Variants in BAAT observed in about 807,000 individuals in gnomAD.
BAAT encodes the protein bile acid CoA: amino acid N-acyltransferase (glycine N-choloyltransferase).
A neutral mutation model predicts 18.9 loss-of-function variants in BAAT; 13 were observed. The observed-to-expected ratio is 0.69, with a 90% CI of 0.45 to 1.10. The LOEUF is 1.10. Ranked by LOEUF, BAAT falls within the 50% of genes least tolerant of loss-of-function variation. The pLI is 0.00. For missense variants in BAAT, 489 were observed against 504.0 expected (o/e 0.97, Z 0.28); for synonymous variants, 170 against 190.7 (o/e 0.89, Z 0.89).
At position 101,371,252 on chromosome 9, in the gene BAAT, C is replaced by G. The variant is rs756596370; in HGVS notation, c.153G>C (p.Arg51Ser). 1 of 1,613,236 alleles carries G rather than the reference C, an allele frequency of 6.2e-7. No individual in the cohort carries two copies. Among genetic ancestry groups the G allele is most frequent in the East Asian group, 2.2e-5 (1 of 44,864 alleles). The change falls in exon 2 of 4, where the codon AGG (arginine) becomes AGC (serine). Residue 51 changes from arginine to serine, a missense_variant. Transcript: ENST00000259407. ...GGTCCACCTCACCGAATTCATTGGC[C>G]CTATAGTGGGCTTGAGAATAAAACA... ...GDMFYSQAHY[R>S]ANEFGEVDLN...
rs921446266 is a variant in BAAT, at chr9:101,361,632, A to G, written c.*796T>C. 1 of 152,654 alleles carries G rather than the reference A, an allele frequency of 6.6e-6. No homozygotes were observed. Among genetic ancestry groups the G allele is most frequent in the African/African-American group, 2.4e-5 (1 of 41,446 alleles). The allele number at this position is 152,654 out of a possible 1,614,324, so 9.5% of individuals were successfully genotyped here. On this transcript the variant is annotated 3_prime_UTR_variant, in exon 4 of 4. Transcript: ENST00000259407. Reference sequence around the variant, plus strand: ...AAGTACAGTGATAGTTGACCCAATCACTCAGTTTATCAAACTCCCCAGGCT... The same window carrying G: ...AAGTACAGTGATAGTTGACCCAATCGCTCAGTTTATCAAACTCCCCAGGCT...
intron 3 of BAAT, among the ~76,000 whole-genome samples, chr9:101,366,054 T>TG (rs1564054547): frequency 6.6e-6 from 1 of 152,154 alleles, no homozygotes; most frequent in Non-Finnish European, 1.5e-5. Context: ...GTCACCATGC[T>TG]GTGCAACAGA....
chr9:101,380,784 T>A (rs1239770434), intron 1 of BAAT, among the ~76,000 whole-genome samples: 2 of 152,102 alleles, frequency 1.3e-5, no homozygotes, highest in Admixed American at 1.3e-4. Flanking sequence ...GATGGAGTCT[T>A]GCTCTGTCGC....
chr9:101,368,823 G>A (rs529633874), intron 2 of BAAT, among the ~76,000 whole-genome samples: 1 of 152,240 alleles, frequency 6.6e-6, no homozygotes, highest in South Asian at 2.1e-4. Context: ...ATTTGTAGGT[G>A]AATTTTACTT....
intron 2 of BAAT, among the ~76,000 whole-genome samples, chr9:101,368,688 T>C (rs1473016320): frequency 1.3e-5 from 2 of 152,160 alleles, no homozygotes; most frequent in African/African-American, 4.8e-5. Context: ...TCTATACTCT[T>C]GTTGTAAAGA....
chr9:101,371,866 C>T (rs28447257), intron 1 of BAAT, among the ~76,000 whole-genome samples: 13,104 of 152,108 alleles, frequency 0.086, 619 homozygotes, highest in South Asian at 0.14. Context: ...TTTGACTTCA[C>T]GCTAATCCCT....
At position 101,372,900 on chromosome 9, in the gene BAAT, G is replaced by A. The variant is rs954822654; in HGVS notation, c.-59-1437C>T. Among the ~76,000 whole-genome samples, 16 of 152,302 alleles carry A rather than the reference G, an allele frequency of 1.1e-4. No individual in the cohort carries two copies. In the East Asian group the frequency reaches 2.9e-3, roughly 28 times the overall value. On this transcript the variant is annotated intron_variant, in intron 1 of 3. Transcript: ENST00000259407. ...TAAACTAGAATTCCAAGAAACTGTA[G>A]CCACAGAGTAAGTCTTTCTCTATCT...
chr9:101,377,035 CTGAG>C (rs1276787970), intron 1 of BAAT, among the ~76,000 whole-genome samples: 1 of 152,072 alleles, frequency 6.6e-6, no homozygotes, highest in Non-Finnish European at 1.5e-5. Context: ...TGGTCAAAAG[CTGAG>C]TGAGAGTCAA....
At chr9:101,369,620 AT>A (rs1829893740) in intron 2 of BAAT, among the ~76,000 whole-genome samples, 1 of 152,166 alleles carries the variant, frequency 6.6e-6, no homozygotes, top group Non-Finnish European at 1.5e-5. Flanking sequence ...CAATAAGCAG[AT>A]TTTTAACTGG....
intron 1 of BAAT, chr9:101,375,383 T>C: frequency 4.9e-6 from 1 of 203,848 alleles, no homozygotes; most frequent in Non-Finnish European, 1.1e-5. Flanking sequence ...TTGTTGTTTG[T>C]CAGAGTGGCT....
At position 101,370,873 on chromosome 9, in the gene BAAT, T is replaced by G. The variant is rs865961812; in HGVS notation, c.466+66A>C. On this transcript the variant is annotated intron_variant, in intron 2 of 3. Transcript: ENST00000259407. ...TTCTACAAGCTATTCAAGCTAAATT[T>G]CTAGACGGATAATGTATTTAAAGTG... 16 of 1,536,640 alleles carry G rather than the reference T, an allele frequency of 1.0e-5. No homozygotes were observed. In the Middle Eastern group the frequency reaches 1.0e-3, roughly 98 times the overall value.
At chr9:101,379,621 GT>G (rs1214689496) in intron 1 of BAAT, among the ~76,000 whole-genome samples, 1 of 152,162 alleles carries the variant, frequency 6.6e-6, no homozygotes, top group African/African-American at 2.4e-5. Flanking sequence ...GAAAAAAATT[GT>G]TTCAGAAGAA....
Position 101,371,044 on chromosome 9 carries a change from C to T in BAAT, c.361G>A (p.Ala121Thr), listed in dbSNP as rs1829930568. ...TCCAAAGTCAGGCTGGCCTTTGGAG[C>T]ACTGGCAACTTTATTGTTCACTATT... ...ELIVNNKVAS[A>T]PKASLTLERW... Residue 121 changes from alanine (A) to threonine (T), a missense_variant, in exon 2 of 4, where the codon GCT becomes ACT. By Grantham distance (58) the Ala-to-Thr change is moderately conservative. Transcript: ENST00000259407. 6.2e-7 allele frequency: 1 copy of T among 1,614,114 alleles called. No individual in the cohort carries two copies. The highest frequency in any genetic ancestry group is 8.5e-7 in the Non-Finnish European group (1 of 1,180,018).
chr9:101,372,359 A>G (rs1322444102), intron 1 of BAAT, among the ~76,000 whole-genome samples: 2 of 152,104 alleles, frequency 1.3e-5, no homozygotes, highest in Non-Finnish European at 2.9e-5. Context: ...GGAAAGAACA[A>G]AAGGGGTGGT....
chr9:101,372,430 G>A (rs1786422951), intron 1 of BAAT, among the ~76,000 whole-genome samples: 1 of 152,048 alleles, frequency 6.6e-6, no homozygotes, highest in African/African-American at 2.4e-5. Context: ...TTACCCAAAG[G>A]AAAGCAAAAC....
rs1214494172 is a variant in BAAT at position 101,361,922 on chromosome 9, C to A, written c.*506G>T. 5.9e-6 allele frequency: 1 copy of A among 170,426 alleles called. No individual in the cohort carries two copies. The highest frequency in any genetic ancestry group is 1.3e-5 in the Non-Finnish European group (1 of 78,656). The allele number at this position is 170,426 out of a possible 1,614,324, so 10.6% of individuals were successfully genotyped here. A position where few individuals can be genotyped will look rare whatever the true frequency, so the allele number is the denominator to read the frequency against. ...AACTGACCTCCTCCATTCCTTCTTTCCTTTTTGACATGAATTTTACTACCC... is the reference window on the plus strand; with the variant it reads ...AACTGACCTCCTCCATTCCTTCTTTACTTTTTGACATGAATTTTACTACCC... On this transcript the variant is annotated 3_prime_UTR_variant, in exon 4 of 4. Coordinates refer to ENST00000259407, the MANE Select transcript of BAAT (RefSeq NM_001701.4).
At chr9:101,374,994 C>T (rs572084859) in intron 1 of BAAT, among the ~76,000 whole-genome samples, 37 of 152,300 alleles carry the variant, frequency 2.4e-4, no homozygotes, top group Non-Finnish European at 4.7e-4. Context: ...CCCATGATTA[C>T]TGATATGGTT....
intron 1 of BAAT, among the ~76,000 whole-genome samples, chr9:101,384,591 ATTC>A (rs1181329580): frequency 6.6e-6 from 1 of 152,230 alleles, no homozygotes. Flanking sequence ...TGACCCAGCA[ATTC>A]TTCTTCTAGA....
intron 3 of BAAT, among the ~76,000 whole-genome samples, chr9:101,365,498 C>T (rs1287280982): frequency 2.0e-5 from 3 of 151,554 alleles, no homozygotes; most frequent in African/African-American, 4.8e-5. Context: ...CTCTGAAATT[C>T]TGTATTTTTT....
Sources: allele counts gnomAD v4.1 joint callset (sites outside exome capture counted in the v4.1 genomes callset), GRCh38; gene constraint gnomAD v4.1.1; transcripts MANE v1.5; gene names NCBI Gene and HGNC (gene_info 2026-07-23, HGNC 2026-07-21).